BMPR1B: variants seen among roughly 807,000 people sequenced by gnomAD.
BMPR1B encodes the protein bone morphogenetic protein receptor type-1B.
In BMPR1B, 12 loss-of-function variants were observed where a neutral mutation model predicts 59.1. The observed-to-expected ratio is 0.20, with a 90% CI of 0.13 to 0.33. The LOEUF (loss-of-function observed/expected upper bound fraction) is 0.33. Ranked by LOEUF, BMPR1B falls within the 10% of genes least tolerant of loss-of-function variation. The probability of loss-of-function intolerance (pLI) is 1.00; values close to 1 mark genes in which losing one functional copy is unlikely to be tolerated. For synonymous variants in BMPR1B, 237 were observed against 207.3 expected (o/e 1.14, Z -1.23); for missense variants, 550 against 610.9 (o/e 0.90, Z 1.05).
At chr4:94,807,097 C>G (rs28713768) in intron 1 of BMPR1B, among the ~76,000 whole-genome samples, 10,564 of 151,816 alleles carry the variant, frequency 0.07, 998 homozygotes, top group African/African-American at 0.21. Flanking sequence ...GCTTGTGTCC[C>G]AATTATTCTT....
At chr4:95,091,275 T>C (rs368839324) in intron 3 of BMPR1B, among the ~76,000 whole-genome samples, 24 of 150,890 alleles carry the variant, frequency 1.6e-4, no homozygotes, top group Admixed American at 1.1e-3. Flanking sequence ...CTTTTCTTTT[T>C]TTTTTGTTTT....
chr4:95,120,701 TTCTC>T (rs747281517), intron 6 of BMPR1B, among the ~76,000 whole-genome samples: 1,977 of 146,118 alleles, frequency 0.014, 44 homozygotes, highest in African/African-American at 0.047. Flanking sequence ...CTTTCTCTCT[TTCTC>T]TCTCTCTCTC....
chr4:95,047,017 G>A (rs1726108299), intron 3 of BMPR1B, among the ~76,000 whole-genome samples: 1 of 152,142 alleles, frequency 6.6e-6, no homozygotes, highest in Admixed American at 6.5e-5. Flanking sequence ...GGAGATTTGG[G>A]AGTGAATGTT....
At chr4:94,804,269 A>G (rs1290813678) in intron 1 of BMPR1B, among the ~76,000 whole-genome samples, 29 of 152,200 alleles carry the variant, frequency 1.9e-4, no homozygotes, top group Admixed American at 1.8e-3. Flanking sequence ...TTCAAACTGT[A>G]TCTTGTAGGA....
intron 1 of BMPR1B, among the ~76,000 whole-genome samples, chr4:94,865,731 C>T (rs115562222): frequency 0.02 from 3,054 of 152,242 alleles, 49 homozygotes; most frequent in African/African-American, 0.039. Flanking sequence ...GTTCCCATTG[C>T]CTCTGGGTGA....
intron 1 of BMPR1B, among the ~76,000 whole-genome samples, chr4:94,850,919 C>A (rs916567928): frequency 8.5e-5 from 13 of 152,166 alleles, no homozygotes; most frequent in Non-Finnish European, 2.9e-5. Flanking sequence ...AATAAATAGA[C>A]TTACTTGTGT....
chr4:95,083,965 T>G (rs1729370757), intron 3 of BMPR1B, among the ~76,000 whole-genome samples: 1 of 152,094 alleles, frequency 6.6e-6, no homozygotes, highest in Non-Finnish European at 1.5e-5. Context: ...TTTTGGAAAT[T>G]CACAACTATT....
chr4:95,066,466 A>G (rs1225278907), intron 3 of BMPR1B, among the ~76,000 whole-genome samples: 3 of 152,250 alleles, frequency 2.0e-5, no homozygotes, highest in Non-Finnish European at 4.4e-5. Flanking sequence ...TAGTTATGCT[A>G]GCATTCAAAT....
At chr4:94,763,719 A>G (rs897106047) in intron 1 of BMPR1B, among the ~76,000 whole-genome samples, 16 of 152,240 alleles carry the variant, frequency 1.1e-4, no homozygotes, top group African/African-American at 3.6e-4. Context: ...ATGATTTACG[A>G]ATGTAAAATG....
intron 2 of BMPR1B, among the ~76,000 whole-genome samples, chr4:94,966,932 G>A (rs1389954281): frequency 1.3e-5 from 2 of 152,070 alleles, no homozygotes; most frequent in Non-Finnish European, 1.5e-5. Flanking sequence ...AACAAATTCT[G>A]GAAGTTCTAT....
intron 1 of BMPR1B, among the ~76,000 whole-genome samples, chr4:94,832,170 C>G (rs1264661569): frequency 1.3e-5 from 2 of 152,134 alleles, no homozygotes; most frequent in African/African-American, 4.8e-5. Context: ...TGAAACTGGT[C>G]CCTAGTGCCA....
chr4:94,926,792 T>G (rs1437593554), intron 2 of BMPR1B, among the ~76,000 whole-genome samples: 1 of 152,152 alleles, frequency 6.6e-6, no homozygotes, highest in Non-Finnish European at 1.5e-5. Flanking sequence ...TTCAATGGTA[T>G]TCATAGGTGA....
In BMPR1B at chr4:94,840,548, A is replaced by C. The variant is rs1252920039; in HGVS notation, c.-182-35283A>C. Among the ~76,000 whole-genome samples the C allele has an allele frequency of 3.4e-5, 5 of 145,548 alleles. 1 individual carries two copies. The highest frequency in any genetic ancestry group is 1.3e-4 in the African/African-American group (5 of 39,000). On this transcript the variant is annotated intron_variant, in intron 1 of 12. Coordinates refer to ENST00000515059, the MANE Select transcript of BMPR1B (RefSeq NM_001203.3). ...TTGCTGATACCCTTTCTTCCAGTTG[A>C]TCGCATCGGCTCCTGAGGCTTCTGC...
In BMPR1B at chr4:95,063,844, A is replaced by G. The variant is rs148843269; in HGVS notation, c.-17-40564A>G. On this transcript the variant is annotated intron_variant, in intron 3 of 12. Transcript: ENST00000515059. ...GAAAATAAACAATAAAAGTAGCAGA[A>G]GACACGAACAGGGCATTCATAGAGG... Among the ~76,000 whole-genome samples, 746 of 152,288 alleles carry G rather than the reference A, an allele frequency of 4.9e-3. 2 individuals carry two copies. Among genetic ancestry groups the G allele is most frequent in the Non-Finnish European group, 8.2e-3 (560 of 68,008 alleles).
intron 1 of BMPR1B, among the ~76,000 whole-genome samples, chr4:94,811,098 A>G (rs562301364): frequency 1.3e-5 from 2 of 152,356 alleles, no homozygotes; most frequent in African/African-American, 4.8e-5. Flanking sequence ...TGATAACAAG[A>G]ATATCATGTT....
intron 8 of BMPR1B, among the ~76,000 whole-genome samples, chr4:95,126,372 T>C (rs1254129022): frequency 6.6e-6 from 1 of 152,208 alleles, no homozygotes; most frequent in Admixed American, 6.5e-5. Context: ...TACCAAAAAA[T>C]AATATTTGGC....
intron 3 of BMPR1B, among the ~76,000 whole-genome samples, chr4:95,036,704 C>CTTTTTTTTTTTTTTTT (rs5860386): frequency 7.8e-6 from 1 of 128,094 alleles, no homozygotes. Flanking sequence ...ATACAATTTC[C>CTTTTTTTTTTTTTTTT]TTTTTTTTTT....
At chr4:95,050,179 T>G (rs906895824) in intron 3 of BMPR1B, among the ~76,000 whole-genome samples, 10 of 152,154 alleles carry the variant, frequency 6.6e-5, no homozygotes, top group African/African-American at 2.4e-4. Context: ...AACCCTCTGC[T>G]CCTGATCATC....
chr4:94,959,013 G>C (rs929708174), intron 2 of BMPR1B, among the ~76,000 whole-genome samples: 1 of 152,126 alleles, frequency 6.6e-6, no homozygotes, highest in Non-Finnish European at 1.5e-5. Context: ...CTGGAAAAGA[G>C]CCTGAAGTGT....
Sources: gnomAD v4.1 joint callset for allele counts (sites outside exome capture counted in the v4.1 genomes callset) on GRCh38, gnomAD v4.1.1 for gene constraint, MANE v1.5 for transcripts, NCBI Gene and HGNC (gene_info 2026-07-23, HGNC 2026-07-21) for gene names.